Variants in P2RY12 observed in about 807,000 individuals in gnomAD.
The protein encoded by P2RY12 is P2Y purinoceptor 12.
In P2RY12, 3 loss-of-function variants were observed where a neutral mutation model predicts 4.5. The observed-to-expected ratio is 0.67, with a 90% confidence interval of 0.31 to 1.74. P2RY12 has a LOEUF of 1.74. Among genes scored for constraint, P2RY12 ranks in the 40% most tolerant of loss-of-function variants. The pLI, the probability that P2RY12 is intolerant of heterozygous loss-of-function variation, is 0.09. For missense variants in P2RY12, 356 were observed against 407.8 expected (o/e 0.87, Z 1.09); for synonymous variants, 148 against 154.1 (o/e 0.96, Z 0.29).
At chr3:151,376,243 C>T in intron 1 of P2RY12, 2 of 1,352,782 alleles carry the variant, frequency 1.5e-6, no homozygotes, top group Non-Finnish European at 1.9e-6. Flanking sequence ...GTGTTTCTGT[C>T]ATTTGATAAA....
rs184308213 is a variant in P2RY12, at chr3:151,367,588, C to T, written c.-180+17104G>A. The T allele has an allele frequency of 3.3e-6, 5 of 1,495,762 alleles. No individual in the cohort carries two copies. In the East Asian group the frequency reaches 1.2e-4, roughly 36 times the overall value. 92.7% of individuals were successfully genotyped at this position (1,495,762 alleles called of 1,614,324 possible). On this transcript the variant is annotated intron_variant, in intron 1 of 2. Coordinates refer to ENST00000302632, the MANE Select transcript of P2RY12 (RefSeq NM_022788.5). ...TGCCTGCATTCTCTTAGTTATTAAT[C>T]TTAGATACTGCTTACAAGGTTGTTA...
At chr3:151,376,187 A>C in intron 1 of P2RY12, 1 of 1,595,460 alleles carries the variant, frequency 6.3e-7, no homozygotes. Flanking sequence ...ACAATCTGCA[A>C]AGACAGCACA....
At chr3:151,355,816 T>C (rs1224465163) in intron 1 of P2RY12, 1 of 1,334,726 alleles carries the variant, frequency 7.5e-7, no homozygotes, top group African/African-American at 1.5e-5. Flanking sequence ...TCAACTGTCT[T>C]AAAAAGTAAA....
intron 1 of P2RY12, chr3:151,355,064 A>C: frequency 7.7e-7 from 1 of 1,293,288 alleles, no homozygotes; most frequent in South Asian, 1.2e-5. Flanking sequence ...TATCCATTAA[A>C]AATGTCGAGA....
intron 1 of P2RY12, chr3:151,376,680 A>G: frequency 1.2e-6 from 1 of 820,652 alleles, no homozygotes; most frequent in Non-Finnish European, 2.0e-6. Context: ...TGACTCATAT[A>G]AATTATTTCA....
chr3:151,377,739 TAG>T (rs1413933317), intron 1 of P2RY12, among the ~76,000 whole-genome samples: 4 of 152,186 alleles, frequency 2.6e-5, no homozygotes, highest in Non-Finnish European at 5.9e-5. Flanking sequence ...TGTTTTTAAT[TAG>T]AGAGAGGGGG....
In P2RY12 at chr3:151,375,237, A is replaced by G. The variant is rs373076291; in HGVS notation, c.-180+9455T>C. On this transcript the variant is annotated intron_variant, in intron 1 of 2. Transcript: ENST00000302632. The stretch of plus-strand genomic sequence containing the variant: ...GGGCATGGAATTTTATAAAGATCCC[A>G]GGTAATTTTAGTGGGCAACCAGCAT... Among the ~76,000 whole-genome samples, 22 of 152,362 alleles carry G rather than the reference A, an allele frequency of 1.4e-4. No individual in the cohort carries two copies. In the East Asian group the frequency reaches 3.9e-3, roughly 27 times the overall value.
At chr3:151,346,207 A>T (rs1217212491) in intron 1 of P2RY12, among the ~76,000 whole-genome samples, 1 of 152,110 alleles carries the variant, frequency 6.6e-6, no homozygotes, top group Non-Finnish European at 1.5e-5. Context: ...AAGTAGAAAG[A>T]TGTTCCTTTC....
intron 1 of P2RY12, chr3:151,377,245 G>A (rs1756961305): frequency 7.5e-7 from 1 of 1,326,652 alleles, no homozygotes. Flanking sequence ...ATTTTGTGTA[G>A]CACAGTGATT....
intron 1 of P2RY12, among the ~76,000 whole-genome samples, chr3:151,359,162 T>TA (rs1186871724): frequency 6.6e-6 from 1 of 152,088 alleles, no homozygotes; most frequent in Non-Finnish European, 1.5e-5. Flanking sequence ...AGCTCCCACT[T>TA]ACAGTGAGAA....
chr3:151,368,254 G>A (rs1272327925), intron 1 of P2RY12: 1 of 1,612,174 alleles, frequency 6.2e-7, no homozygotes, highest in South Asian at 1.1e-5. Context: ...AGCAACGGGT[G>A]AGCTGACTGC....
At chr3:151,357,102 G>A (rs1754026698) in intron 1 of P2RY12, 4 of 904,190 alleles carry the variant, frequency 4.4e-6, no homozygotes, top group Admixed American at 3.2e-5. Flanking sequence ...TTAAATTTAG[G>A]GAATGTATTT....
At chr3:151,369,452 A>C (rs1397830680) in intron 1 of P2RY12, 1 of 1,605,972 alleles carries the variant, frequency 6.2e-7, no homozygotes. Context: ...CTTTCCCTGG[A>C]ATAAGATCAT....
intron 1 of P2RY12, among the ~76,000 whole-genome samples, chr3:151,351,155 T>A (rs1442568933): frequency 6.6e-6 from 1 of 152,198 alleles, no homozygotes; most frequent in East Asian, 1.9e-4. Flanking sequence ...GTTCCTAGAC[T>A]TTAGCAGGAT....
At chr3:151,377,564 A>C (rs1393459260) in intron 1 of P2RY12, among the ~76,000 whole-genome samples, 1 of 152,220 alleles carries the variant, frequency 6.6e-6, no homozygotes, top group African/African-American at 2.4e-5. Context: ...ATAAAGTCTT[A>C]AAGTAATTAT....
At chr3:151,339,118 GTT>G (rs1560047606) in intron 2 of P2RY12, among the ~76,000 whole-genome samples, 2 of 152,066 alleles carry the variant, frequency 1.3e-5, no homozygotes, top group African/African-American at 4.8e-5. Flanking sequence ...TTTGTTGAAT[GTT>G]TGCCTCTTAA....
intron 1 of P2RY12, among the ~76,000 whole-genome samples, chr3:151,342,889 T>C (rs1255283426): frequency 6.6e-6 from 1 of 152,214 alleles, no homozygotes; most frequent in Non-Finnish European, 1.5e-5. Flanking sequence ...TAACTCACTT[T>C]ATTAATAATC....
intron 1 of P2RY12, among the ~76,000 whole-genome samples, chr3:151,360,021 A>G (rs1004097304): frequency 1.3e-5 from 2 of 152,174 alleles, no homozygotes; most frequent in Non-Finnish European, 2.9e-5. Context: ...CAAACCATGA[A>G]CTGCTTATGC....
rs563632804 is a variant in P2RY12 at position 151,343,306 on chromosome 3, A to G, written c.-179-2546T>C. On this transcript the variant is annotated intron_variant, in intron 1 of 2. Transcript: ENST00000302632. ...ATTACTAATTCAGAATACTTAAGTC[A>G]TACTACCTTATTGAGAATTTATATT... is the stretch of plus-strand genomic sequence containing the variant. 2.6e-5 allele frequency among the ~76,000 whole-genome samples: 4 copies of G among 152,334 alleles called. No individual in the cohort carries two copies. In the South Asian group the frequency reaches 6.2e-4, roughly 24 times the overall value.
Sources: allele counts gnomAD v4.1 joint callset (sites outside exome capture counted in the v4.1 genomes callset), GRCh38; gene constraint gnomAD v4.1.1; transcripts MANE v1.5; gene names NCBI Gene and HGNC (gene_info 2026-07-23, HGNC 2026-07-21).